The following SGCZ variants were observed in gnomAD, a reference collection of about 807,000 sequenced individuals.
SGCZ encodes sarcoglycan zeta, also known as zeta-sarcoglycan.
In SGCZ, 40 loss-of-function variants were observed where a neutral mutation model predicts 41.3. The observed-to-expected ratio is 0.97, with a 90% CI of 0.75 to 1.26. The LOEUF (loss-of-function observed/expected upper bound fraction) is 1.26. SGCZ is among the 50% of genes most tolerant of loss of function. SGCZ has a pLI of 0.00. For missense variants in SGCZ, 552 were observed against 369.8 expected, an observed-to-expected ratio of 1.49 and a Z score of -4.04; for synonymous variants, 206 against 137.5, an observed-to-expected ratio of 1.50 and a Z score of -3.49.
At chr8:15,192,107 T>A (rs928001611) in intron 1 of SGCZ, among the ~76,000 whole-genome samples, 2 of 152,070 alleles carry the variant, frequency 1.3e-5, no homozygotes, top group Admixed American at 1.3e-4. Context: ...TGGTAACCCC[T>A]CCCCCAGTAA....
intron 2 of SGCZ, among the ~76,000 whole-genome samples, chr8:14,365,616 T>C (rs1437742174): frequency 1.3e-5 from 2 of 152,174 alleles, no homozygotes; most frequent in Admixed American, 6.5e-5. Flanking sequence ...TTAAGGTTAA[T>C]GTTAAGTCTT....
intron 1 of SGCZ, among the ~76,000 whole-genome samples, chr8:15,051,673 T>C (rs184004318): frequency 6.6e-6 from 1 of 152,322 alleles, no homozygotes; most frequent in East Asian, 1.9e-4. Context: ...TGTTACCATT[T>C]TTTAAAAAAA....
At chr8:15,100,841 T>TAA (rs1375408978) in intron 1 of SGCZ, among the ~76,000 whole-genome samples, 1 of 151,998 alleles carries the variant, frequency 6.6e-6, no homozygotes, top group African/African-American at 2.4e-5. Context: ...ATAAAAAAAT[T>TAA]AGTTGGGCAT....
intron 1 of SGCZ, among the ~76,000 whole-genome samples, chr8:14,855,693 G>A (rs1473591728): frequency 6.6e-6 from 1 of 152,154 alleles, no homozygotes. Context: ...GCCAACAGAG[G>A]CCTGAGTCTT....
At chr8:14,524,746 T>A (rs2117108647) in intron 2 of SGCZ, among the ~76,000 whole-genome samples, 1 of 152,214 alleles carries the variant, frequency 6.6e-6, no homozygotes, top group East Asian at 1.9e-4. Flanking sequence ...GTGGCAGGAA[T>A]AAGGAAAAGT....
At chr8:14,346,825 G>A (rs916601538) in intron 2 of SGCZ, among the ~76,000 whole-genome samples, 15 of 151,986 alleles carry the variant, frequency 9.9e-5, no homozygotes, top group Admixed American at 4.6e-4. Context: ...TTGTGTGCGC[G>A]CATGTTTGTT....
intron 7 of SGCZ, among the ~76,000 whole-genome samples, chr8:14,095,678 A>G (rs769902627): frequency 6.6e-5 from 10 of 152,136 alleles, no homozygotes; most frequent in Non-Finnish European, 1.3e-4. Context: ...CATTGAATCT[A>G]TAAATTACTT....
At chr8:14,697,264 T>C (rs6999260) in intron 1 of SGCZ, among the ~76,000 whole-genome samples, 124,278 of 151,934 alleles carry the variant, frequency 0.82, 51,210 homozygotes, top group African/African-American at 0.93. Flanking sequence ...CTTTACTACA[T>C]GCCAGAAATG....
intron 3 of SGCZ, among the ~76,000 whole-genome samples, chr8:14,292,693 T>C (rs1016367502): frequency 6.6e-6 from 1 of 152,046 alleles, no homozygotes. Flanking sequence ...GATCTACCAC[T>C]TTCTTGATAT....
At chr8:14,366,824 T>C (rs767549371) in intron 2 of SGCZ, among the ~76,000 whole-genome samples, 1 of 152,116 alleles carries the variant, frequency 6.6e-6, no homozygotes. Context: ...TTAGATACAA[T>C]GAGGATAAAG....
chr8:15,190,276 C>A (rs1334791199), intron 1 of SGCZ, among the ~76,000 whole-genome samples: 1 of 152,146 alleles, frequency 6.6e-6, no homozygotes, highest in Non-Finnish European at 1.5e-5. Context: ...CTGCGTAGAA[C>A]AACCTATGTA....
intron 4 of SGCZ, among the ~76,000 whole-genome samples, chr8:14,179,791 T>G (rs2117019803): frequency 6.6e-6 from 1 of 152,200 alleles, no homozygotes; most frequent in South Asian, 2.1e-4. Flanking sequence ...TAACTCCAGG[T>G]ATTCCTATAC....
At chr8:14,642,631 TA>T (rs1160688109) in intron 1 of SGCZ, among the ~76,000 whole-genome samples, 1 of 151,722 alleles carries the variant, frequency 6.6e-6, no homozygotes, top group African/African-American at 2.4e-5. Context: ...TTTTCAATGG[TA>T]GCTTCCTTTC....
At chr8:14,630,938 T>C (rs1458644348) in intron 1 of SGCZ, among the ~76,000 whole-genome samples, 3 of 151,846 alleles carry the variant, frequency 2.0e-5, no homozygotes, top group African/African-American at 7.3e-5. Flanking sequence ...AGTTAACGGA[T>C]GCAGCACACC....
intron 1 of SGCZ, among the ~76,000 whole-genome samples, chr8:14,613,496 C>A (rs951251323): frequency 1.3e-5 from 2 of 152,228 alleles, no homozygotes; most frequent in African/African-American, 4.8e-5. Flanking sequence ...TGTATAACAA[C>A]ATCTAGGTGA....
chr8:14,532,321 G>A (rs1317233807), intron 2 of SGCZ, among the ~76,000 whole-genome samples: 1 of 152,058 alleles, frequency 6.6e-6, no homozygotes, highest in Non-Finnish European at 1.5e-5. Flanking sequence ...TTCCAGTAAA[G>A]CTGAATGGAG....
In SGCZ at chr8:15,230,245, G is replaced by C. The variant is rs190167726; in HGVS notation, c.39+7340C>G. Among the ~76,000 whole-genome samples, 5 of 150,308 alleles carry C rather than the reference G, an allele frequency of 3.3e-5. No homozygotes were observed. In the East Asian group the frequency reaches 9.8e-4, roughly 29 times the overall value. On this transcript the variant is annotated intron_variant, in intron 1 of 7. Coordinates refer to ENST00000382080, the MANE Select transcript of SGCZ (RefSeq NM_139167.4). ...ACTTTGCAACAAGATTAAATACTAT[G>C]ATGGTAGCTCAAATACTGTCACTCT...
chr8:15,125,432 C>A (rs1563139107), intron 1 of SGCZ, among the ~76,000 whole-genome samples: 1 of 152,140 alleles, frequency 6.6e-6, no homozygotes, highest in South Asian at 2.1e-4. Context: ...GTATTAATTA[C>A]CATCAAAGGC....
intron 1 of SGCZ, among the ~76,000 whole-genome samples, chr8:14,704,669 T>C (rs549029440): frequency 7.4e-4 from 113 of 152,080 alleles, no homozygotes; most frequent in African/African-American, 2.6e-3. Flanking sequence ...CAGAGAATTG[T>C]GGTGTAACCC....
Sources: gnomAD v4.1 joint callset for allele counts (sites outside exome capture counted in the v4.1 genomes callset) on GRCh38, gnomAD v4.1.1 for gene constraint, MANE v1.5 for transcripts, NCBI Gene and HGNC (gene_info 2026-07-23, HGNC 2026-07-21) for gene names.